Variants in SLC26A7 observed in about 807,000 individuals in gnomAD.
SLC26A7 encodes the protein anion exchange transporter.
A neutral mutation model predicts 82.5 loss-of-function variants in SLC26A7; 59 were observed. That is an observed-to-expected ratio of 0.72 (90% CI 0.58 to 0.89). SLC26A7 has a LOEUF of 0.89. Among genes scored for constraint, SLC26A7 ranks in the 40% least tolerant of loss-of-function variants. The probability of loss-of-function intolerance (pLI) is 0.00; values close to 1 mark genes in which losing one functional copy is unlikely to be tolerated. For missense variants in SLC26A7, 820 were observed against 793.0 expected (o/e 1.03, Z -0.41); for synonymous variants, 271 against 274.3 (o/e 0.99, Z 0.12).
At chr8:91,256,560 T>A (rs974726786) in intron 2 of SLC26A7, among the ~76,000 whole-genome samples, 4 of 152,118 alleles carry the variant, frequency 2.6e-5, no homozygotes, top group African/African-American at 9.7e-5. Flanking sequence ...AGAGATAATG[T>A]GCCTCTACAG....
Position 91,339,257 on chromosome 8 carries a change from T to A in SLC26A7, c.878+1025T>A, listed in dbSNP as rs1249035270. Reference sequence around the variant, plus strand: ...AATGATACAAATCAATTTGTCTTAATGGTAAACTTAAGGAGGTGGGTTAAA... The same window carrying A: ...AATGATACAAATCAATTTGTCTTAAAGGTAAACTTAAGGAGGTGGGTTAAA... On this transcript the variant is annotated intron_variant, in intron 7 of 18. Coordinates refer to ENST00000276609, the MANE Select transcript of SLC26A7 (RefSeq NM_052832.4). Among the ~76,000 whole-genome samples the A allele has an allele frequency of 3.3e-5, 5 of 152,204 alleles. No individual in the cohort carries two copies. In the South Asian group the frequency reaches 1.0e-3, roughly 32 times the overall value.
At chr8:91,378,053 C>A (rs1473605658) in intron 15 of SLC26A7, among the ~76,000 whole-genome samples, 1 of 151,980 alleles carries the variant, frequency 6.6e-6, no homozygotes, top group Non-Finnish European at 1.5e-5. Flanking sequence ...CACTATTATT[C>A]TTTTCCCATT....
Position 91,324,271 on chromosome 8 carries a change from T to C in SLC26A7, c.642+5891T>C, listed in dbSNP as rs562610493. Among the ~76,000 whole-genome samples the C allele has an allele frequency of 4.6e-5, 7 of 152,356 alleles. No homozygotes were observed. In the South Asian group the frequency reaches 1.4e-3, roughly 32 times the overall value. Reference sequence around the variant, plus strand: ...GTTGACAAGAGACATCAAATTCTTATGAATAGAGAGAACTTGTGCTAACAT... The same window carrying C: ...GTTGACAAGAGACATCAAATTCTTACGAATAGAGAGAACTTGTGCTAACAT... On this transcript the variant is annotated intron_variant, in intron 5 of 18. Coordinates refer to ENST00000276609, the MANE Select transcript of SLC26A7 (RefSeq NM_052832.4).
At chr8:91,349,771 G>C (rs1450041361) in intron 9 of SLC26A7, among the ~76,000 whole-genome samples, 6 of 152,058 alleles carry the variant, frequency 3.9e-5, no homozygotes, top group Non-Finnish European at 5.9e-5. Flanking sequence ...TATGAGTGAA[G>C]AGTCCCACAA....
At chr8:91,309,708 G>T (rs1489458048) in intron 4 of SLC26A7, among the ~76,000 whole-genome samples, 1 of 151,942 alleles carries the variant, frequency 6.6e-6, no homozygotes, top group African/African-American at 2.4e-5. Context: ...GGGTCAAGAG[G>T]GCCAACTGAG....
At chr8:91,299,194 ATAT>A (rs1343605267) in intron 4 of SLC26A7, among the ~76,000 whole-genome samples, 4 of 152,206 alleles carry the variant, frequency 2.6e-5, no homozygotes, top group South Asian at 2.1e-4. Context: ...AGTTCTTTAT[ATAT>A]TATGGATATT....
Position 91,311,830 on chromosome 8 carries a change from T to C in SLC26A7, c.478-6386T>C, listed in dbSNP as rs1812497159. On this transcript the variant is annotated intron_variant, in intron 4 of 18. Transcript: ENST00000276609. The stretch of plus-strand genomic sequence containing the variant: ...GGAATAGGAGCAGGTAGGGGAATTA[T>C]TAACTATGTATTCCTCTTGCTCTCA... 3.9e-5 allele frequency among the ~76,000 whole-genome samples: 6 copies of C among 152,132 alleles called. 1 individual carries two copies. Among genetic ancestry groups the C allele is most frequent in the Admixed American group, 3.9e-4 (6 of 15,252 alleles).
chr8:91,355,228 T>C (rs915003945), intron 11 of SLC26A7, among the ~76,000 whole-genome samples: 8 of 152,180 alleles, frequency 5.3e-5, no homozygotes, highest in African/African-American at 1.9e-4. Flanking sequence ...TTCTTACTAC[T>C]GAAGTTTGGT....
Position 91,370,869 on chromosome 8 carries a change from T to C in SLC26A7, c.1675+1036T>C, listed in dbSNP as rs544935049. 1.1e-4 allele frequency among the ~76,000 whole-genome samples: 17 copies of C among 152,082 alleles called. 1 individual carries two copies. In the South Asian group the frequency reaches 2.1e-3, roughly 19 times the overall value. ...TAAAAGGTTATACAAAAATCTCTTATTTTTTGTGTCATGCAATATTTGCTT... is the reference window on the plus strand; with the variant it reads ...TAAAAGGTTATACAAAAATCTCTTACTTTTTGTGTCATGCAATATTTGCTT... On this transcript the variant is annotated intron_variant, in intron 15 of 18. Transcript: ENST00000276609.
At chr8:91,327,438 C>T (rs542381632) in intron 5 of SLC26A7, among the ~76,000 whole-genome samples, 318 of 152,156 alleles carry the variant, frequency 2.1e-3, no homozygotes, top group Non-Finnish European at 2.8e-3. Flanking sequence ...ATAGTTTATT[C>T]GGTGGTGCTA....
At chr8:91,390,126 T>TC (rs1814916887) in intron 16 of SLC26A7, among the ~76,000 whole-genome samples, 1 of 148,868 alleles carries the variant, frequency 6.7e-6, no homozygotes, top group South Asian at 2.1e-4. Context: ...TTTTTTTTTT[T>TC]CTGAGACGGA....
At chr8:91,384,787 G>A (rs958469780) in intron 15 of SLC26A7, among the ~76,000 whole-genome samples, 1 of 152,120 alleles carries the variant, frequency 6.6e-6, no homozygotes, top group Non-Finnish European at 1.5e-5. Flanking sequence ...AGGAAGGAAG[G>A]AAGGAAGGAA....
chr8:91,325,659 C>A (rs899725291), intron 5 of SLC26A7, among the ~76,000 whole-genome samples: 24 of 152,078 alleles, frequency 1.6e-4, no homozygotes, highest in Admixed American at 1.6e-3. Flanking sequence ...ACCACTAAAA[C>A]CCCAAATCTA....
chr8:91,301,533 T>A (rs998221850), intron 4 of SLC26A7, among the ~76,000 whole-genome samples: 6 of 152,092 alleles, frequency 3.9e-5, no homozygotes, highest in Admixed American at 6.5e-5. Context: ...GTTGTAATTT[T>A]AAAAAAATTT....
chr8:91,360,260 A>G (rs1814012485), intron 11 of SLC26A7, among the ~76,000 whole-genome samples: 2 of 152,206 alleles, frequency 1.3e-5, no homozygotes, highest in Non-Finnish European at 2.9e-5. Flanking sequence ...ATTTTCTACA[A>G]GGACAAAGGA....
chr8:91,347,534 T>C (rs1323012205), intron 9 of SLC26A7, among the ~76,000 whole-genome samples: 1 of 152,210 alleles, frequency 6.6e-6, no homozygotes, highest in African/African-American at 2.4e-5. Context: ...CAAAATCTGG[T>C]ATTTTAGATT....
chr8:91,261,990 A>G (rs1810979878), intron 2 of SLC26A7, among the ~76,000 whole-genome samples: 1 of 152,044 alleles, frequency 6.6e-6, no homozygotes, highest in South Asian at 2.1e-4. Flanking sequence ...GTACCATTGG[A>G]CGTGAACTCC....
intron 2 of SLC26A7, among the ~76,000 whole-genome samples, chr8:91,219,496 C>T (rs1810123395): frequency 6.6e-6 from 1 of 152,086 alleles, no homozygotes; most frequent in South Asian, 2.1e-4. Context: ...CCCCTAATAT[C>T]ACTTTGTGAC....
intron 16 of SLC26A7, among the ~76,000 whole-genome samples, chr8:91,393,375 T>C (rs952450313): frequency 1.8e-4 from 27 of 152,156 alleles, no homozygotes; most frequent in Non-Finnish European, 2.8e-4. Flanking sequence ...TTAACATTCA[T>C]GCACCGGGTT....
Sources: gnomAD v4.1 joint callset for allele counts (sites outside exome capture counted in the v4.1 genomes callset) on GRCh38, gnomAD v4.1.1 for gene constraint, MANE v1.5 for transcripts, NCBI Gene and HGNC (gene_info 2026-07-23, HGNC 2026-07-21) for gene names.